JARID2: variants seen among roughly 807,000 people sequenced by gnomAD.
JARID2 encodes protein Jumonji.
Under a neutral mutation model 125.6 loss-of-function variants are expected in JARID2, and 21 were observed. The ratio of observed to expected loss-of-function variants is 0.17; its 90% CI spans 0.12 to 0.24. The LOEUF (loss-of-function observed/expected upper bound fraction) is 0.24. JARID2 is among the 10% of genes least tolerant of loss of function. JARID2 has a pLI of 1.00. For synonymous variants in JARID2, 736 were observed against 661.6 expected, an observed-to-expected ratio of 1.11 and a Z score of -1.73; for missense variants, 1,303 against 1,639.6, an observed-to-expected ratio of 0.79 and a Z score of 3.55.
In JARID2 at chr6:15,348,298, G is replaced by A. The variant is rs150693764; in HGVS notation, c.46-25819G>A. 3.2e-3 allele frequency among the ~76,000 whole-genome samples: 491 copies of A among 152,130 alleles called. 3 individuals carry two copies. Among genetic ancestry groups the A allele is most frequent in the Middle Eastern group, 0.014 (4 of 292 alleles). On this transcript the variant is annotated intron_variant, in intron 1 of 17. Transcript: ENST00000341776. Reference sequence around the variant, plus strand: ...GTAGAGATGGGCTTTCACCATGTTGGCCAGTCCGGTCTGGAACTCCTGACC... The same window carrying A: ...GTAGAGATGGGCTTTCACCATGTTGACCAGTCCGGTCTGGAACTCCTGACC...
rs563576579 is a variant in JARID2, at chr6:15,518,963, C to T, written c.3559-1106C>T. On this transcript the variant is annotated intron_variant, in intron 17 of 17. Coordinates refer to ENST00000341776, the MANE Select transcript of JARID2 (RefSeq NM_004973.4). The stretch of plus-strand genomic sequence containing the variant: ...CACCTAGATTGCAAATCCCTGAATT[C>T]ATGGCTTGGGTTCTCATGGATGGTG... 3.3e-5 allele frequency among the ~76,000 whole-genome samples: 5 copies of T among 152,320 alleles called. No homozygotes were observed. In the South Asian group the frequency reaches 6.2e-4, roughly 19 times the overall value.
At chr6:15,445,882 G>A (rs73724408) in intron 3 of JARID2, among the ~76,000 whole-genome samples, 221 of 152,182 alleles carry the variant, frequency 1.5e-3, no homozygotes, top group African/African-American at 5.0e-3. Flanking sequence ...TTTTGTTTTC[G>A]TTTTCAAATA....
chr6:15,370,082 G>A (rs34338229), intron 1 of JARID2, among the ~76,000 whole-genome samples: 51,140 of 151,958 alleles, frequency 0.34, 8,727 homozygotes, highest in Middle Eastern at 0.38. Context: ...ATAAATGTCA[G>A]TGGGAACAGT....
At position 15,507,260 on chromosome 6, in the gene JARID2, C is replaced by T; in HGVS notation, c.2660+6C>T. On this transcript the variant is annotated splice_donor_region_variant and intron_variant, in intron 10 of 17. Coordinates refer to ENST00000341776, the MANE Select transcript of JARID2 (RefSeq NM_004973.4). ...AAATCAGAACCCTTTTCGAGGTAAC[C>T]TGGGATTCTCTCGTCCAGGTTCTTG... 1 of 1,608,696 alleles carries T rather than the reference C, an allele frequency of 6.2e-7. No homozygotes were observed. Among genetic ancestry groups the T allele is most frequent in the Non-Finnish European group, 8.5e-7 (1 of 1,175,010 alleles).
intron 3 of JARID2, among the ~76,000 whole-genome samples, chr6:15,438,182 C>T (rs1767293284): frequency 6.6e-6 from 1 of 152,112 alleles, no homozygotes; most frequent in African/African-American, 2.4e-5. Flanking sequence ...AGCAACCCTT[C>T]CCAGGACTGA....
At chr6:15,437,838 A>AT (rs1374364083) in intron 3 of JARID2, among the ~76,000 whole-genome samples, 5 of 151,978 alleles carry the variant, frequency 3.3e-5, no homozygotes, top group Non-Finnish European at 1.5e-5. Context: ...TCCTAATGGG[A>AT]TGTGGGGGGC....
intron 4 of JARID2, among the ~76,000 whole-genome samples, chr6:15,458,358 A>T (rs1002845273): frequency 6.6e-6 from 1 of 152,206 alleles, no homozygotes; most frequent in African/African-American, 2.4e-5. Context: ...GTTCATTCCT[A>T]TGACCGTGGG....
chr6:15,428,610 A>G (rs1327660925), intron 3 of JARID2, among the ~76,000 whole-genome samples: 2 of 152,164 alleles, frequency 1.3e-5, no homozygotes, highest in Admixed American at 6.5e-5. Flanking sequence ...TCATGCAATG[A>G]TAGAATCTTC....
intron 17 of JARID2, among the ~76,000 whole-genome samples, chr6:15,519,168 G>T (rs951254992): frequency 6.6e-6 from 1 of 152,214 alleles, no homozygotes; most frequent in Non-Finnish European, 1.5e-5. Context: ...GCACACTGCC[G>T]CTCCTCCTCA....
intron 1 of JARID2, among the ~76,000 whole-genome samples, chr6:15,303,580 A>G (rs533408355): frequency 6.6e-6 from 1 of 152,326 alleles, no homozygotes; most frequent in East Asian, 1.9e-4. Context: ...ACTGTTTAAT[A>G]TGCTTCTCAC....
chr6:15,314,753 G>T (rs944603414), intron 1 of JARID2, among the ~76,000 whole-genome samples: 16 of 152,194 alleles, frequency 1.1e-4, no homozygotes, highest in African/African-American at 3.6e-4. Context: ...AAGGTTTGGG[G>T]ACTGTGAAAT....
chr6:15,428,290 T>C (rs1766818088), intron 3 of JARID2, among the ~76,000 whole-genome samples: 1 of 152,166 alleles, frequency 6.6e-6, no homozygotes, highest in South Asian at 2.1e-4. Flanking sequence ...TTGTTATACT[T>C]TAAGTTCTAG....
At chr6:15,506,438 C>T (rs1027650176) in intron 9 of JARID2, among the ~76,000 whole-genome samples, 2 of 152,188 alleles carry the variant, frequency 1.3e-5, no homozygotes, top group Non-Finnish European at 2.9e-5. Flanking sequence ...TTGCTAGTAG[C>T]GCTTTGTGGA....
chr6:15,520,061 C>A lies in JARID2; in HGVS notation c.3559-8C>A. 1.2e-6 allele frequency: 2 copies of A among 1,607,664 alleles called. No individual in the cohort carries two copies. Among genetic ancestry groups the A allele is most frequent in the Non-Finnish European group, 8.5e-7 (1 of 1,177,002 alleles). On this transcript the variant is annotated splice_polypyrimidine_tract_variant and splice_region_variant and intron_variant, in intron 17 of 17. Transcript: ENST00000341776. ...TGTTAACTGTGTCTTCCTTTCACCCCCAAACAGGAACAGATTATCAGTCTG... is the reference window on the plus strand; with the variant it reads ...TGTTAACTGTGTCTTCCTTTCACCCACAAACAGGAACAGATTATCAGTCTG...
At position 15,508,473 on chromosome 6, in the gene JARID2, C is replaced by T. The variant is rs759807163; in HGVS notation, c.2846+19C>T. On this transcript the variant is annotated intron_variant, in intron 12 of 17. Coordinates refer to ENST00000341776, the MANE Select transcript of JARID2 (RefSeq NM_004973.4). The stretch of plus-strand genomic sequence containing the variant: ...GCATTTGGTGAGTACTGGCCCCAGG[C>T]GGGAAGGGAGGGACTGCAGAAACTA... 8 of 1,330,396 alleles carry T rather than the reference C, an allele frequency of 6.0e-6. No individual in the cohort carries two copies. The highest frequency in any genetic ancestry group is 2.3e-5 in the East Asian group (1 of 43,562). The allele number at this position is 1,330,396 out of a possible 1,614,324, so 82.4% of individuals were successfully genotyped here.
rs184648052 is a variant in JARID2, at chr6:15,440,209, C to T, written c.324-11797C>T. On this transcript the variant is annotated intron_variant, in intron 3 of 17. Transcript: ENST00000341776. ...ATCTGTTGTCCACTGCCGCTGTCTA[C>T]ATATGTGACCTCTTTCAATTTAGTG... 1.7e-3 allele frequency among the ~76,000 whole-genome samples: 262 copies of T among 152,346 alleles called. 1 individual carries two copies. Among genetic ancestry groups the T allele is most frequent in the Non-Finnish European group, 3.3e-3 (224 of 68,036 alleles).
chr6:15,388,510 A>G (rs979590442), intron 2 of JARID2, among the ~76,000 whole-genome samples: 1 of 151,664 alleles, frequency 6.6e-6, no homozygotes. Context: ...CAAGGATGAT[A>G]AAAACAGTAC....
At chr6:15,510,552 G>T (rs1771227120) in intron 12 of JARID2, among the ~76,000 whole-genome samples, 2 of 152,162 alleles carry the variant, frequency 1.3e-5, no homozygotes, top group African/African-American at 2.4e-5. Flanking sequence ...ACCCTGGAGG[G>T]TCTGTGAGCC....
In JARID2 at chr6:15,510,000, A is replaced by G. The variant is rs73369516; in HGVS notation, c.2847-1296A>G. On this transcript the variant is annotated intron_variant, in intron 12 of 17. Coordinates refer to ENST00000341776, the MANE Select transcript of JARID2 (RefSeq NM_004973.4). ...TGTTGGCATTGAAAATAACATGAGC[A>G]TTAAAAAAAATACTTCCTTCACTGA... Among the ~76,000 whole-genome samples, 853 of 152,314 alleles carry G rather than the reference A, an allele frequency of 5.6e-3. 12 individuals are homozygous for G. Among genetic ancestry groups the G allele is most frequent in the African/African-American group, 0.02 (818 of 41,560 alleles).
Sources: gnomAD v4.1 joint callset for allele counts (sites outside exome capture counted in the v4.1 genomes callset) on GRCh38, gnomAD v4.1.1 for gene constraint, MANE v1.5 for transcripts, NCBI Gene and HGNC (gene_info 2026-07-23, HGNC 2026-07-21) for gene names.